Variants in KIF5C observed in about 807,000 individuals in gnomAD.
KIF5C encodes kinesin heavy chain isoform 5C.
In KIF5C, 18 loss-of-function variants were observed where a neutral mutation model predicts 125.2. The observed-to-expected ratio is 0.14, with a 90% confidence interval of 0.10 to 0.21. The LOEUF is 0.21. Ranked by LOEUF, KIF5C falls within the 10% of genes least tolerant of loss-of-function variation. The pLI is 1.00. For missense variants in KIF5C, 780 were observed against 1,183.8 expected (o/e 0.66, Z 5.01); for synonymous variants, 405 against 434.0 (o/e 0.93, Z 0.83).
intron 1 of KIF5C, among the ~76,000 whole-genome samples, chr2:148,891,538 AC>A (rs1681708137): frequency 6.6e-6 from 1 of 152,094 alleles, no homozygotes; most frequent in Admixed American, 6.6e-5. Flanking sequence ...CTTCTCACAG[AC>A]CTTTATGGGC....
chr2:149,010,156 C>A lies in KIF5C; in HGVS notation c.2572C>A (p.Leu858Met). 3 of 1,551,826 alleles carry A rather than the reference C, an allele frequency of 1.9e-6. No individual in the cohort carries two copies. The highest frequency in any genetic ancestry group is 2.6e-6 in the Non-Finnish European group (3 of 1,147,158). The part of the protein sequence containing the change: ...HKQLVRDNAD[L>M]RCELPKLEKR... Reference sequence around the variant, plus strand: ...CCAGCTGGTCCGGGACAACGCAGACCTGCGCTGTGAACTGCCCAAGCTGGA... The same window carrying A: ...CCAGCTGGTCCGGGACAACGCAGACATGCGCTGTGAACTGCCCAAGCTGGA... The change falls in exon 24 of 26, where the codon CTG becomes ATG. Residue 858 changes from leucine (L) to methionine (M), a missense_variant. This residue lies in a region of KIF5C where 573 missense variants were observed against 742.6 expected (regional missense o/e 0.77). Transcript: ENST00000435030.
chr2:148,919,919 C>T (rs570078097), intron 1 of KIF5C, among the ~76,000 whole-genome samples: 20 of 152,286 alleles, frequency 1.3e-4, no homozygotes, highest in Admixed American at 1.2e-3. Context: ...GACTTGAAGG[C>T]AACTTCTGTT....
intron 2 of KIF5C, among the ~76,000 whole-genome samples, chr2:148,922,868 A>G (rs1681845990): frequency 6.6e-6 from 1 of 152,162 alleles, no homozygotes; most frequent in Non-Finnish European, 1.5e-5. Context: ...CATCTTAGAG[A>G]TCAGTCCTTT....
chr2:148,907,811 C>T (rs1429635086), intron 1 of KIF5C, among the ~76,000 whole-genome samples: 2 of 152,344 alleles, frequency 1.3e-5, no homozygotes, highest in East Asian at 3.9e-4. Context: ...TCCTGCCTGA[C>T]TCTGTGGCTC....
chr2:148,946,257 T>A (rs1248237004), intron 7 of KIF5C, among the ~76,000 whole-genome samples: 1 of 152,214 alleles, frequency 6.6e-6, no homozygotes, highest in African/African-American at 2.4e-5. Context: ...GAGAAATGAT[T>A]GCTGGTGAAG....
At chr2:148,882,108 G>T (rs932458971) in intron 1 of KIF5C, among the ~76,000 whole-genome samples, 1 of 152,108 alleles carries the variant, frequency 6.6e-6, no homozygotes, top group Non-Finnish European at 1.5e-5. Flanking sequence ...AAATATCATG[G>T]AGAACTCGGG....
intron 2 of KIF5C, among the ~76,000 whole-genome samples, chr2:148,927,790 T>G (rs1395614759): frequency 1.3e-5 from 2 of 152,062 alleles, no homozygotes; most frequent in Non-Finnish European, 2.9e-5. Flanking sequence ...CTCCAAACCT[T>G]ACACTGACTA....
intron 1 of KIF5C, among the ~76,000 whole-genome samples, chr2:148,885,330 G>A (rs1681485815): frequency 6.6e-6 from 1 of 152,172 alleles, no homozygotes; most frequent in African/African-American, 2.4e-5. Flanking sequence ...GTGCCAGTGT[G>A]TCAGGGTCAC....
chr2:148,924,995 A>G lies in KIF5C; in HGVS notation c.217+2768A>G, dbSNP rs976752237. ...TACAGGGAAAGAGACAGATGTGTACATAATCATCACACACATAGGCATTAT... is the reference window on the plus strand; with the variant it reads ...TACAGGGAAAGAGACAGATGTGTACGTAATCATCACACACATAGGCATTAT... On this transcript the variant is annotated intron_variant, in intron 2 of 25. Coordinates refer to ENST00000435030, the MANE Select transcript of KIF5C (RefSeq NM_004522.3). The surrounding 1 kb of genome is among the most constrained non-coding windows in gnomAD (Gnocchi z 4.0). 1.1e-4 allele frequency among the ~76,000 whole-genome samples: 17 copies of G among 152,192 alleles called. No individual in the cohort carries two copies. The highest frequency in any genetic ancestry group is 2.5e-4 in the Non-Finnish European group (17 of 68,040).
intron 1 of KIF5C, among the ~76,000 whole-genome samples, chr2:148,921,615 G>T (rs559979542): frequency 6.6e-6 from 1 of 152,084 alleles, no homozygotes; most frequent in Non-Finnish European, 1.5e-5. Flanking sequence ...CCATCTTCCC[G>T]ATCCTGTAAA....
intron 1 of KIF5C, among the ~76,000 whole-genome samples, chr2:148,886,861 A>G (rs746590083): frequency 7.9e-5 from 12 of 152,216 alleles, no homozygotes; most frequent in Non-Finnish European, 1.6e-4. Flanking sequence ...TTGCTTGCTC[A>G]TGTGTTTTTT....
chr2:148,971,306 A>G lies in KIF5C; in HGVS notation c.1118-2030A>G, dbSNP rs545689317. On this transcript the variant is annotated intron_variant, in intron 11 of 25. Coordinates refer to ENST00000435030, the MANE Select transcript of KIF5C (RefSeq NM_004522.3). ...TGTCTGTCTGTCTATCTATCTATCT[A>G]TCTATCTATCTATCTATCTATCTAT... is the stretch of plus-strand genomic sequence containing the variant. Among the ~76,000 whole-genome samples, 811 of 151,334 alleles carry G rather than the reference A, an allele frequency of 5.4e-3. 9 individuals carry two copies. The highest frequency in any genetic ancestry group is 0.033 in the South Asian group (156 of 4,732).
intron 8 of KIF5C, among the ~76,000 whole-genome samples, chr2:148,948,165 G>A (rs1444892087): frequency 6.6e-6 from 1 of 150,796 alleles, no homozygotes; most frequent in Admixed American, 6.6e-5. Context: ...GGCTAACATG[G>A]TGAAACCGTG....
At chr2:148,964,630 C>T (rs1236933777) in intron 11 of KIF5C, among the ~76,000 whole-genome samples, 1 of 152,036 alleles carries the variant, frequency 6.6e-6, no homozygotes, top group Non-Finnish European at 1.5e-5. Flanking sequence ...GACTGAGAAG[C>T]CAGTGAAGGG....
intron 1 of KIF5C, among the ~76,000 whole-genome samples, chr2:148,911,973 T>TGCCCCTCCCTCTTTCCTCCC (rs2105068521): frequency 6.6e-6 from 1 of 152,334 alleles, no homozygotes; most frequent in Non-Finnish European, 1.5e-5. Context: ...CCCTTCCTCC[T>TGCCCCTCCCTCTTTCCTCCC]GCCCCTCCCT....
At chr2:148,894,800 T>C (rs1164673777) in intron 1 of KIF5C, among the ~76,000 whole-genome samples, 1 of 150,984 alleles carries the variant, frequency 6.6e-6, no homozygotes, top group African/African-American at 2.4e-5. Context: ...TTTTCTTTAA[T>C]TTTCTTTCAT....
intron 25 of KIF5C, among the ~76,000 whole-genome samples, chr2:149,013,987 A>C (rs1682287278): frequency 6.6e-6 from 1 of 152,122 alleles, no homozygotes; most frequent in Non-Finnish European, 1.5e-5. Flanking sequence ...TTGTCACATA[A>C]GTATACATGT....
Position 148,996,317 on chromosome 2 carries a change from G to A in KIF5C, c.2024-947G>A, listed in dbSNP as rs80258565. ...AATGCAATTTGTGTCAGACGCCAAG[G>A]CAAATTTAAAAAGAAAGAACATACC... On this transcript the variant is annotated intron_variant, in intron 17 of 25. Coordinates refer to ENST00000435030, the MANE Select transcript of KIF5C (RefSeq NM_004522.3). 6.9e-3 allele frequency among the ~76,000 whole-genome samples: 1,047 copies of A among 152,284 alleles called. 18 individuals carry two copies. The highest frequency in any genetic ancestry group is 0.065 in the Middle Eastern group (19 of 294).
At chr2:148,919,538 T>C (rs1158760612) in intron 1 of KIF5C, among the ~76,000 whole-genome samples, 1 of 152,208 alleles carries the variant, frequency 6.6e-6, no homozygotes, top group Non-Finnish European at 1.5e-5. Flanking sequence ...TGGGCAATCT[T>C]GCCTCCTTGG....
Sources: gnomAD v4.1 joint callset for allele counts (sites outside exome capture counted in the v4.1 genomes callset) on GRCh38, gnomAD v4.1.1 for gene constraint, gnomAD v4.1.1 regional missense constraint, Gnocchi (gnomAD v3.1) non-coding constraint, MANE v1.5 for transcripts, NCBI Gene and HGNC (gene_info 2026-07-23, HGNC 2026-07-21) for gene names.